The following AHCTF1 variants were observed in gnomAD, a reference collection of about 807,000 sequenced individuals.
AHCTF1 encodes the protein AT-hook containing transcription factor 1.
A neutral mutation model predicts 248.4 loss-of-function variants in AHCTF1; 24 were observed. The observed-to-expected ratio is 0.10, with a 90% CI of 0.07 to 0.14. The LOEUF (loss-of-function observed/expected upper bound fraction) is 0.14, where lower values mean the gene tolerates loss of function less well. Ranked by LOEUF, AHCTF1 falls within the 10% of genes least tolerant of loss-of-function variation. The pLI, the probability that AHCTF1 is intolerant of heterozygous loss-of-function variation, is 1.00. For missense variants in AHCTF1, 2,206 were observed against 2,636.2 expected (o/e 0.84, Z 3.57); for synonymous variants, 786 against 929.8 (o/e 0.85, Z 2.81).
At chr1:246,921,006 C>T (rs932047106) in intron 1 of AHCTF1, among the ~76,000 whole-genome samples, 8 of 150,886 alleles carry the variant, frequency 5.3e-5, no homozygotes, top group Non-Finnish European at 8.8e-5. Context: ...GCAGGAGAAT[C>T]GCTTGAACCT....
At chr1:246,927,790 G>C (rs1160084486) in intron 1 of AHCTF1, among the ~76,000 whole-genome samples, 1 of 152,120 alleles carries the variant, frequency 6.6e-6, no homozygotes, top group Non-Finnish European at 1.5e-5. Flanking sequence ...GGATCACAAG[G>C]TCAAGAGACC....
chr1:246,922,433 G>T (rs942375702), intron 1 of AHCTF1, among the ~76,000 whole-genome samples: 4 of 141,204 alleles, frequency 2.8e-5, no homozygotes, highest in African/African-American at 5.3e-5. Flanking sequence ...TTTTTGGGTT[G>T]TTTTTTTTTT....
At chr1:246,929,201 G>A (rs974796576) in intron 1 of AHCTF1, among the ~76,000 whole-genome samples, 11 of 152,106 alleles carry the variant, frequency 7.2e-5, no homozygotes, top group African/African-American at 4.8e-5. Flanking sequence ...CTGAGCTCAG[G>A]AGTTCGAGAT....
intron 23 of AHCTF1, 95 bp from the exon 24 acceptor site, chr1:246,876,282 A>C (rs1208482676): frequency 8.9e-7 from 1 of 1,129,068 alleles, no homozygotes; most frequent in African/African-American, 1.6e-5. Flanking sequence ...ATGAATATCC[A>C]AAAAATCTTC....
intron 4 of AHCTF1, among the ~76,000 whole-genome samples, chr1:246,908,323 CAAAA>C (rs34997839): frequency 5.9e-5 from 6 of 101,566 alleles, no homozygotes; most frequent in African/African-American, 1.4e-4. Flanking sequence ...CACAGGGATA[CAAAA>C]AAAAAAAAAA....
rs1369074548 is a variant in AHCTF1, at chr1:246,926,921, TC to T, written c.-8+4656del. Among the ~76,000 whole-genome samples, 14 of 151,842 alleles carry T rather than the reference TC, an allele frequency of 9.2e-5. No homozygotes were observed. The East Asian group carries it at 1.7e-3, about 19-fold the overall frequency. ...GGGCCGCGGTGGCACACGCCTGTAA[TC>T]CCAGCACTTTGGGAGGCTAAGGCGG... On this transcript the variant is annotated intron_variant, in intron 1 of 35. Coordinates refer to ENST00000648844, the MANE Select transcript of AHCTF1 (RefSeq NM_001323342.2).
chr1:246,928,267 C>T (rs558607049), intron 1 of AHCTF1, among the ~76,000 whole-genome samples: 7 of 144,778 alleles, frequency 4.8e-5, no homozygotes, highest in Middle Eastern at 3.6e-3. Context: ...CGCGCCACTG[C>T]ACTGTAGCCT....
chr1:246,851,326 A>C lies in AHCTF1; in HGVS notation c.4680T>G (p.Ile1560Met), dbSNP rs758425751. 1.9e-6 allele frequency: 3 copies of C among 1,614,170 alleles called. No individual in the cohort carries two copies. In the South Asian group the frequency reaches 3.3e-5, roughly 18 times the overall value. ...CAGCTAAGTCACAAAACTGTTGGTCAATAGTATCAAAATTGTACTGAAGCT... is the reference window on the plus strand; with the variant it reads ...CAGCTAAGTCACAAAACTGTTGGTCCATAGTATCAAAATTGTACTGAAGCT... ...TLKLQYNFDT[I>M]DQQFCDLADN... Residue 1560 changes from isoleucine (I) to methionine (M), a missense_variant, in exon 33 of 36, where the codon ATT (isoleucine) becomes ATG (methionine). Ile to Met is a conservative substitution (Grantham distance 10). Around this residue, in one of 6 missense-constraint regions of AHCTF1, gnomAD observed 955 missense variants for 1,055.6 expected, o/e 0.90. Transcript: ENST00000648844.
intron 24 of AHCTF1, among the ~76,000 whole-genome samples, chr1:246,869,225 C>T (rs190714025): frequency 5.9e-4 from 90 of 152,182 alleles, no homozygotes; most frequent in Non-Finnish European, 1.1e-3. Context: ...TTTCCAACAG[C>T]GTGTACTTAC....
intron 21 of AHCTF1, among the ~76,000 whole-genome samples, chr1:246,879,522 A>G (rs917981172): frequency 1.3e-5 from 2 of 152,202 alleles, no homozygotes; most frequent in Non-Finnish European, 2.9e-5. Flanking sequence ...TGTTCATTAC[A>G]GAGAACTATT....
At position 246,900,209 on chromosome 1, in the gene AHCTF1, G is replaced by A; in HGVS notation, c.1288C>T (p.Leu430=). The change falls in exon 10 of 36, where the codon CTG becomes TTG. Residue 430 remains leucine, a synonymous_variant. Coordinates refer to ENST00000648844, the MANE Select transcript of AHCTF1 (RefSeq NM_001323342.2). ...CTTACAACAGACTCCAATGACCACA[G>A]TGCAAAATAAGAGCAATTATGTAGA... ...EYLHNCSYFA[L]WSLESVVSRT... The A allele has an allele frequency of 6.3e-7, 1 of 1,596,528 alleles. No individual in the cohort carries two copies. Among genetic ancestry groups the A allele is most frequent in the Non-Finnish European group, 8.5e-7 (1 of 1,175,332 alleles).
At chr1:246,878,380 G>A (rs188076710) in intron 21 of AHCTF1, among the ~76,000 whole-genome samples, 31 of 90,538 alleles carry the variant, frequency 3.4e-4, no homozygotes, top group Non-Finnish European at 5.5e-4. Context: ...CTGGCAGACA[G>A]AGCAAGATTC....
At chr1:246,888,008 T>A (rs976171923) in intron 19 of AHCTF1, among the ~76,000 whole-genome samples, 169 bp downstream of exon 19, 1 of 152,178 alleles carries the variant, frequency 6.6e-6, no homozygotes, top group Non-Finnish European at 1.5e-5. Context: ...TAGTTTTAGG[T>A]TGATCACAGG....
intron 8 of AHCTF1, among the ~76,000 whole-genome samples, chr1:246,902,285 G>C (rs1486901913): frequency 1.3e-5 from 2 of 152,140 alleles, no homozygotes; most frequent in Admixed American, 1.3e-4. Context: ...GGGATCGCCT[G>C]TTTTGAGAAC....
chr1:246,851,748 TAAG>T (rs1470372561), intron 32 of AHCTF1, among the ~76,000 whole-genome samples: 1 of 152,174 alleles, frequency 6.6e-6, no homozygotes, highest in African/African-American at 2.4e-5. Flanking sequence ...TGAAAACATT[TAAG>T]GACTTATTCT....
intron 8 of AHCTF1, among the ~76,000 whole-genome samples, chr1:246,901,264 C>G (rs1664977242): frequency 6.6e-6 from 1 of 152,164 alleles, no homozygotes; most frequent in South Asian, 2.1e-4. Flanking sequence ...TCGCTTGAAC[C>G]TGGGAAGCAG....
At chr1:246,864,757 G>A (rs1308406873) in intron 26 of AHCTF1, among the ~76,000 whole-genome samples, 3 of 63,658 alleles carry the variant, frequency 4.7e-5, no homozygotes, top group South Asian at 4.0e-4. Flanking sequence ...GGAGAATGGC[G>A]TGAACCCGGG....
chr1:246,889,544 T>C (rs1269236501), intron 17 of AHCTF1, among the ~76,000 whole-genome samples: 3 of 152,208 alleles, frequency 2.0e-5, no homozygotes, highest in Admixed American at 1.3e-4. Flanking sequence ...AATTGGTCAT[T>C]CTAAAGCACT....
At chr1:246,925,753 G>A (rs1211419282) in intron 1 of AHCTF1, among the ~76,000 whole-genome samples, 1 of 152,070 alleles carries the variant, frequency 6.6e-6, no homozygotes, top group Admixed American at 6.5e-5. Flanking sequence ...TGAATGGGTT[G>A]GTGTCCTCTC....
Sources: gnomAD v4.1 joint callset for allele counts (sites outside exome capture counted in the v4.1 genomes callset) on GRCh38, gnomAD v4.1.1 for gene constraint, gnomAD v4.1.1 regional missense constraint, MANE v1.5 for transcripts, NCBI Gene and HGNC (gene_info 2026-07-23, HGNC 2026-07-21) for gene names.